The following NKAIN2 variants were observed in gnomAD, a reference collection of about 807,000 sequenced individuals.
The protein encoded by NKAIN2 is sodium/potassium transporting ATPase interacting 2.
A neutral mutation model predicts 32.6 loss-of-function variants in NKAIN2; 14 were observed. That is an observed-to-expected ratio of 0.43 (90% CI 0.28 to 0.67). The LOEUF is 0.67. NKAIN2 is among the 30% of genes least tolerant of loss of function. The pLI is 0.17. For synonymous variants in NKAIN2, 80 were observed against 87.2 expected (o/e 0.92, Z 0.46); for missense variants, 198 against 258.3 (o/e 0.77, Z 1.60).
intron 1 of NKAIN2, among the ~76,000 whole-genome samples, chr6:124,186,080 G>C (rs1029405336): frequency 5.6e-5 from 8 of 142,902 alleles, no homozygotes; most frequent in African/African-American, 2.0e-4. Context: ...CCAGGAGTTA[G>C]AGACCAGCCT....
chr6:124,739,625 G>A (rs1777109695), intron 4 of NKAIN2, among the ~76,000 whole-genome samples: 1 of 151,806 alleles, frequency 6.6e-6, no homozygotes, highest in South Asian at 2.1e-4. Flanking sequence ...ATGTGGCTTA[G>A]TTGACTGGGT....
At chr6:124,208,500 C>G (rs1038526868) in intron 1 of NKAIN2, among the ~76,000 whole-genome samples, 1 of 151,482 alleles carries the variant, frequency 6.6e-6, no homozygotes, top group Non-Finnish European at 1.5e-5. Flanking sequence ...GTTAGGTGTT[C>G]TTTTCATATA....
chr6:124,309,906 C>CT (rs1796648095), intron 2 of NKAIN2, among the ~76,000 whole-genome samples: 1 of 151,900 alleles, frequency 6.6e-6, no homozygotes, highest in Non-Finnish European at 1.5e-5. Flanking sequence ...TCACCTTTAC[C>CT]TTTTGCCAGT....
chr6:124,075,879 A>T lies in NKAIN2; in HGVS notation c.55-207126A>T, dbSNP rs560966240. Among the ~76,000 whole-genome samples, 7 of 152,326 alleles carry T rather than the reference A, an allele frequency of 4.6e-5. No individual in the cohort carries two copies. In the South Asian group the frequency reaches 1.2e-3, roughly 27 times the overall value. ...TCAAACTGCTGTGATTACAGGCATG[A>T]GCCACTGCGCCCAGCATGTATGGCA... On this transcript the variant is annotated intron_variant, in intron 1 of 6. Transcript: ENST00000368417.
rs147152544 is a variant in NKAIN2, at chr6:123,871,936, A to G, written c.54+67682A>G. On this transcript the variant is annotated intron_variant, in intron 1 of 6. Coordinates refer to ENST00000368417, the MANE Select transcript of NKAIN2 (RefSeq NM_001040214.3). The stretch of plus-strand genomic sequence containing the variant: ...GAAAAACACCTGTAATGCATCATCT[A>G]TAATTTGTGTTTCCTGTTCTTTAAA... 9.9e-3 allele frequency among the ~76,000 whole-genome samples: 1,506 copies of G among 152,238 alleles called. 11 individuals are homozygous for G. Among genetic ancestry groups the G allele is most frequent in the Middle Eastern group, 0.02 (6 of 294 alleles).
chr6:123,851,286 G>A (rs1049834318), intron 1 of NKAIN2, among the ~76,000 whole-genome samples: 3 of 115,392 alleles, frequency 2.6e-5, no homozygotes, highest in Non-Finnish European at 1.6e-5. Flanking sequence ...GTCTGGCTCT[G>A]TCTCTCAGGC....
intron 4 of NKAIN2, among the ~76,000 whole-genome samples, chr6:124,778,356 C>CAAA (rs796068383): frequency 7.2e-6 from 1 of 139,744 alleles, no homozygotes; most frequent in African/African-American, 2.6e-5. Flanking sequence ...AATAATACTT[C>CAAA]AAAAAAAAAA....
At chr6:123,806,550 T>C (rs1773221699) in intron 1 of NKAIN2, among the ~76,000 whole-genome samples, 1 of 152,040 alleles carries the variant, frequency 6.6e-6, no homozygotes, top group Non-Finnish European at 1.5e-5. Flanking sequence ...AATAGGTGGG[T>C]GTGTATGTTT....
intron 3 of NKAIN2, among the ~76,000 whole-genome samples, chr6:124,471,718 A>T (rs1021816563): frequency 1.3e-5 from 2 of 152,176 alleles, no homozygotes; most frequent in African/African-American, 4.8e-5. Context: ...AGATGCAAAG[A>T]TACTCAATGA....
chr6:124,461,318 C>T (rs1297107093), intron 3 of NKAIN2, among the ~76,000 whole-genome samples: 10 of 151,354 alleles, frequency 6.6e-5, no homozygotes, highest in African/African-American at 2.2e-4. Context: ...TAGATACATG[C>T]GTGTGCACAG....
chr6:124,028,859 A>G (rs1453848772), intron 1 of NKAIN2, among the ~76,000 whole-genome samples: 10 of 47,070 alleles, frequency 2.1e-4, no homozygotes, highest in South Asian at 6.6e-4. Context: ...GTGTGTGTCT[A>G]TATATACACA....
At chr6:124,436,862 G>A (rs1040693240) in intron 3 of NKAIN2, among the ~76,000 whole-genome samples, 4 of 152,142 alleles carry the variant, frequency 2.6e-5, no homozygotes, top group Admixed American at 1.3e-4. Context: ...TCCATCTTCT[G>A]CTAGTAAAAG....
At chr6:124,248,659 T>C (rs1442647286) in intron 1 of NKAIN2, among the ~76,000 whole-genome samples, 2 of 152,138 alleles carry the variant, frequency 1.3e-5, no homozygotes, top group African/African-American at 2.4e-5. Flanking sequence ...ATTTTATATG[T>C]GTGACTATAA....
chr6:124,604,335 C>T (rs1782417774), intron 3 of NKAIN2, among the ~76,000 whole-genome samples: 1 of 151,998 alleles, frequency 6.6e-6, no homozygotes, highest in Non-Finnish European at 1.5e-5. Context: ...TATTTGCTCC[C>T]TTTCCTTAGC....
At chr6:124,364,237 C>CAAAAAAAAA (rs1554288849) in intron 3 of NKAIN2, among the ~76,000 whole-genome samples, 1 of 45,080 alleles carries the variant, frequency 2.2e-5, no homozygotes, top group African/African-American at 7.5e-5. Flanking sequence ...TTAAAAATAC[C>CAAAAAAAAA]AAAAAAAAAA....
chr6:124,369,724 C>T (rs1583140613), intron 3 of NKAIN2, among the ~76,000 whole-genome samples: 1 of 151,978 alleles, frequency 6.6e-6, no homozygotes, highest in African/African-American at 2.4e-5. Flanking sequence ...CCACCCCAGC[C>T]CCTGGTGTGC....
intron 1 of NKAIN2, among the ~76,000 whole-genome samples, chr6:124,006,317 A>G (rs1315340181): frequency 6.6e-5 from 10 of 152,208 alleles, no homozygotes; most frequent in Non-Finnish European, 1.3e-4. Context: ...AGCATTTGTG[A>G]GAGATAAAAT....
intron 1 of NKAIN2, among the ~76,000 whole-genome samples, chr6:124,073,578 CT>C (rs1284268087): frequency 6.6e-6 from 1 of 152,108 alleles, no homozygotes; most frequent in Non-Finnish European, 1.5e-5. Flanking sequence ...CTCTGTTAGG[CT>C]TTAACCTTTC....
intron 2 of NKAIN2, among the ~76,000 whole-genome samples, chr6:124,287,915 C>A (rs556461989): frequency 9.9e-5 from 15 of 152,030 alleles, no homozygotes; most frequent in African/African-American, 3.4e-4. Context: ...TTGCCAAAAA[C>A]AAATGTTGCT....
Sources: allele counts gnomAD v4.1 joint callset (sites outside exome capture counted in the v4.1 genomes callset), GRCh38; gene constraint gnomAD v4.1.1; transcripts MANE v1.5; gene names NCBI Gene and HGNC (gene_info 2026-07-23, HGNC 2026-07-21).